MGAT4C: variants seen among roughly 807,000 people sequenced by gnomAD.
MGAT4C encodes the protein alpha-1,3-mannosyl-glycoprotein 4-beta-N-acetylglucosaminyltransferase C.
MGAT4C carries 19 observed loss-of-function variants against 40.1 expected under a neutral mutation model. The observed-to-expected ratio is 0.47, with a 90% CI of 0.33 to 0.70. MGAT4C has a LOEUF of 0.70. MGAT4C is among the 30% of genes least tolerant of loss of function. The pLI is 0.02. For synonymous variants in MGAT4C, 181 were observed against 187.1 expected (o/e 0.97, Z 0.27); for missense variants, 491 against 563.2 (o/e 0.87, Z 1.30).
chr12:86,254,269 A>G (rs2136083479), intron 1 of MGAT4C, among the ~76,000 whole-genome samples: 1 of 152,122 alleles, frequency 6.6e-6, no homozygotes, highest in African/African-American at 2.4e-5. Context: ...TTAGCTAGGT[A>G]GCTCATATCT....
At chr12:86,085,871 A>T (rs1194164476) in intron 1 of MGAT4C, among the ~76,000 whole-genome samples, 2 of 152,158 alleles carry the variant, frequency 1.3e-5, no homozygotes, top group Non-Finnish European at 2.9e-5. Context: ...AATGATGATC[A>T]TTAAAAAGTC....
intron 2 of MGAT4C, among the ~76,000 whole-genome samples, chr12:86,511,369 T>C (rs1009782313): frequency 1.3e-5 from 2 of 152,206 alleles, no homozygotes; most frequent in Non-Finnish European, 2.9e-5. Context: ...CCGTTTTCAG[T>C]GCATAAGTCT....
intron 2 of MGAT4C, among the ~76,000 whole-genome samples, chr12:86,602,883 C>CGT (rs35262458): frequency 0.031 from 4,525 of 147,640 alleles, 82 homozygotes; most frequent in East Asian, 0.043. Flanking sequence ...TGCCCATCTG[C>CGT]GTGTGTGTGT....
chr12:86,423,618 A>G (rs1956873426), intron 3 of MGAT4C, among the ~76,000 whole-genome samples: 2 of 152,140 alleles, frequency 1.3e-5, no homozygotes, highest in Non-Finnish European at 2.9e-5. Flanking sequence ...ATATTTTAAT[A>G]TAATTTTAAG....
intron 1 of MGAT4C, among the ~76,000 whole-genome samples, chr12:86,117,669 T>C (rs1486549023): frequency 6.6e-6 from 1 of 152,182 alleles, no homozygotes; most frequent in Non-Finnish European, 1.5e-5. Flanking sequence ...GTAATGAGGC[T>C]ATTGGCATCA....
rs1445234355 is a variant in MGAT4C, at chr12:86,350,531, G to A, written c.-119-16404C>T. Among the ~76,000 whole-genome samples, 5 of 152,218 alleles carry A rather than the reference G, an allele frequency of 3.3e-5. No homozygotes were observed. The East Asian group carries it at 9.6e-4, about 29-fold the overall frequency. On this transcript the variant is annotated intron_variant, in intron 3 of 7. Transcript: ENST00000548651. ...AAATGGAAACTATTGACCAATGCCC[G>A]ATTCTGTTGCAACTATAGTCTAGAT...
At chr12:86,464,084 T>A (rs1168689480) in intron 2 of MGAT4C, among the ~76,000 whole-genome samples, 1 of 152,168 alleles carries the variant, frequency 6.6e-6, no homozygotes, top group East Asian at 1.9e-4. Flanking sequence ...GATAAACCAA[T>A]CTAGTTTCTT....
chr12:86,294,379 T>C (rs1287783245), intron 4 of MGAT4C, among the ~76,000 whole-genome samples: 1 of 151,610 alleles, frequency 6.6e-6, no homozygotes, highest in African/African-American at 2.4e-5. Context: ...TTTTTTAATC[T>C]AAATCCTTGC....
At chr12:86,477,659 A>G (rs1476177793) in intron 2 of MGAT4C, among the ~76,000 whole-genome samples, 1 of 152,102 alleles carries the variant, frequency 6.6e-6, no homozygotes, top group African/African-American at 2.4e-5. Flanking sequence ...GGTTTGTTAC[A>G]TATGTATACA....
At chr12:86,803,667 G>T (rs1282194571) in intron 1 of MGAT4C, among the ~76,000 whole-genome samples, 2 of 150,834 alleles carry the variant, frequency 1.3e-5, no homozygotes, top group African/African-American at 4.9e-5. Flanking sequence ...ATGAAAAAAT[G>T]CTCATCATCA....
chr12:86,427,207 C>T (rs2136264008), intron 3 of MGAT4C, among the ~76,000 whole-genome samples: 1 of 152,204 alleles, frequency 6.6e-6, no homozygotes, highest in South Asian at 2.1e-4. Flanking sequence ...AGCTTTGATG[C>T]TTCCATTCTA....
intron 2 of MGAT4C, among the ~76,000 whole-genome samples, chr12:85,997,666 C>T (rs1886780031): frequency 6.6e-6 from 1 of 152,222 alleles, no homozygotes; most frequent in African/African-American, 2.4e-5. Flanking sequence ...AATCTTAAGG[C>T]TCCAAAATTA....
chr12:86,595,888 C>G (rs564069554), intron 2 of MGAT4C, among the ~76,000 whole-genome samples: 1 of 152,130 alleles, frequency 6.6e-6, no homozygotes, highest in Non-Finnish European at 1.5e-5. Context: ...TCCGGTCAGA[C>G]CATGAACTCC....
intron 3 of MGAT4C, among the ~76,000 whole-genome samples, chr12:86,364,809 G>C (rs922204302): frequency 1.3e-5 from 2 of 152,128 alleles, no homozygotes; most frequent in African/African-American, 4.8e-5. Context: ...TGTATGAATA[G>C]GGTGTGGGTC....
chr12:86,008,772 C>T (rs1197865214), intron 2 of MGAT4C, among the ~76,000 whole-genome samples: 2 of 152,110 alleles, frequency 1.3e-5, no homozygotes, highest in Non-Finnish European at 2.9e-5. Flanking sequence ...ACACTGAGGA[C>T]ATTTGCTTCT....
chr12:86,655,699 G>A (rs1433434157), intron 2 of MGAT4C, among the ~76,000 whole-genome samples: 1 of 152,050 alleles, frequency 6.6e-6, no homozygotes, highest in African/African-American at 2.4e-5. Flanking sequence ...AATAAACTAT[G>A]TATGCTTACA....
intron 2 of MGAT4C, among the ~76,000 whole-genome samples, chr12:85,990,011 A>T (rs1885705427): frequency 6.6e-6 from 1 of 152,112 alleles, no homozygotes; most frequent in African/African-American, 2.4e-5. Flanking sequence ...TCAACTGAAA[A>T]TATTTAACTG....
intron 2 of MGAT4C, among the ~76,000 whole-genome samples, chr12:86,657,470 T>C (rs980907316): frequency 6.6e-6 from 1 of 151,616 alleles, no homozygotes; most frequent in Non-Finnish European, 1.5e-5. Context: ...CTTCAGATTA[T>C]AGAAAAAAAG....
chr12:86,686,462 T>C (rs981154125), intron 2 of MGAT4C, among the ~76,000 whole-genome samples: 20 of 152,190 alleles, frequency 1.3e-4, no homozygotes, highest in African/African-American at 4.8e-4. Flanking sequence ...CTATGATATT[T>C]GCTCTGGGTT....
Sources: gnomAD v4.1 joint callset for allele counts (sites outside exome capture counted in the v4.1 genomes callset) on GRCh38, gnomAD v4.1.1 for gene constraint, MANE v1.5 for transcripts, NCBI Gene and HGNC (gene_info 2026-07-23, HGNC 2026-07-21) for gene names.